NIPBL: variants seen among roughly 807,000 people sequenced by gnomAD.
NIPBL encodes the protein NIPBL cohesin loading factor.
NIPBL carries 19 observed loss-of-function variants against 321.8 expected under a neutral mutation model. The ratio of observed to expected loss-of-function variants is 0.06; its 90% confidence interval spans 0.04 to 0.09. NIPBL has a LOEUF of 0.09. NIPBL is among the 10% of genes least tolerant of loss of function. The pLI, the probability that NIPBL is intolerant of heterozygous loss-of-function variation, is 1.00. For synonymous variants in NIPBL, 1,106 were observed against 1,114.1 expected, an observed-to-expected ratio of 0.99 and a Z score of 0.14; for missense variants, 2,210 against 3,327.0, an observed-to-expected ratio of 0.66 and a Z score of 8.26.
chr5:36,913,180 GT>G (rs1171984983), intron 1 of NIPBL, among the ~76,000 whole-genome samples: 2 of 152,112 alleles, frequency 1.3e-5, no homozygotes, highest in Non-Finnish European at 2.9e-5. Context: ...TTAGATAATA[GT>G]AACAATGTTA....
intron 1 of NIPBL, among the ~76,000 whole-genome samples, chr5:36,940,940 T>G (rs960948276): frequency 1.3e-5 from 2 of 152,180 alleles, no homozygotes; most frequent in Non-Finnish European, 1.5e-5. Flanking sequence ...GTAGTGATTA[T>G]TCATCACCCC....
At chr5:36,946,951 A>C (rs1252662332) in intron 1 of NIPBL, among the ~76,000 whole-genome samples, 2 of 152,116 alleles carry the variant, frequency 1.3e-5, no homozygotes, top group African/African-American at 4.8e-5. Flanking sequence ...AGATTTGATT[A>C]GAAACACCTG....
intron 18 of NIPBL, among the ~76,000 whole-genome samples, 161 bp downstream of exon 18, chr5:37,007,635 T>C (rs1747598374): frequency 6.6e-6 from 1 of 152,028 alleles, no homozygotes; most frequent in South Asian, 2.1e-4. Context: ...TCAGGAGTTT[T>C]AAAAAGACAT....
chr5:36,984,567 C>A, intron 9 of NIPBL, 109 bp from the exon 10 acceptor site: 1 of 957,944 alleles, frequency 1.0e-6, no homozygotes, highest in Non-Finnish European at 1.5e-6. Flanking sequence ...TTGCATTTTA[C>A]TCCATTTTAA....
chr5:36,984,213 T>C (rs886244316), intron 9 of NIPBL, among the ~76,000 whole-genome samples: 7 of 152,094 alleles, frequency 4.6e-5, no homozygotes, highest in Non-Finnish European at 7.4e-5. Context: ...TAAAAACTTA[T>C]ATTTCCTGTT....
chr5:37,022,078 A>G lies in NIPBL; in HGVS notation c.5356A>G (p.Ile1786Val). 6.2e-7 allele frequency: 1 copy of G among 1,614,172 alleles called. No homozygotes were observed. Among genetic ancestry groups the G allele is most frequent in the Non-Finnish European group, 8.5e-7 (1 of 1,180,018 alleles). ...CCTACGAGTTCTTGGTGAAAATGCA[A>G]TTGCTGTTCGAACAAAAGCCATGAA... is the stretch of plus-strand genomic sequence containing the variant. ...QILRVLGENA[I>V]AVRTKAMKCL... The change falls in exon 28 of 47, where the codon ATT becomes GTT. Residue 1786 changes from isoleucine (I) to valine (V), a missense_variant. Physicochemically the swap from Ile to Val is conservative, Grantham distance 29 (BLOSUM62 3). Coordinates refer to ENST00000282516, the MANE Select transcript of NIPBL (RefSeq NM_133433.4).
At chr5:36,981,441 C>G (rs1744124840) in intron 9 of NIPBL, among the ~76,000 whole-genome samples, 2 of 151,754 alleles carry the variant, frequency 1.3e-5, no homozygotes, top group South Asian at 4.1e-4. Context: ...GTATTTATGT[C>G]CCTTTGTCCT....
chr5:36,922,889 A>G (rs993232367), intron 1 of NIPBL, among the ~76,000 whole-genome samples: 1 of 152,098 alleles, frequency 6.6e-6, no homozygotes, highest in East Asian at 1.9e-4. Context: ...TGAACTACAG[A>G]TTTCTTTTCT....
chr5:36,905,004 A>G (rs1178999476), intron 1 of NIPBL, among the ~76,000 whole-genome samples: 2 of 152,178 alleles, frequency 1.3e-5, no homozygotes, highest in African/African-American at 4.8e-5. Flanking sequence ...TCACAGTGCA[A>G]TTAGTATGGC....
chr5:36,970,943 G>A lies in NIPBL; in HGVS notation c.678G>A (p.Pro226=), dbSNP rs192822119. The A allele has an allele frequency of 1.4e-5, 23 of 1,613,402 alleles. No individual in the cohort carries two copies. Among genetic ancestry groups the A allele is most frequent in the Middle Eastern group, 1.6e-4 (1 of 6,082 alleles). The change falls in exon 7 of 47, where the codon CCG becomes CCA. Residue 226 remains proline (P), a synonymous_variant. Coordinates refer to ENST00000282516, the MANE Select transcript of NIPBL (RefSeq NM_133433.4). ...TACATGATAATAAAGTTTCTGGTCC[G>A]TTGTCTGGCAATTCAGCTAATCATC... ...RNIHDNKVSG[P]LSGNSANHHA... is the part of the protein sequence containing the mutation.
At chr5:37,045,707 T>A in intron 37 of NIPBL, 110 bp downstream of exon 37, 2 of 1,179,854 alleles carry the variant, frequency 1.7e-6, no homozygotes, top group South Asian at 1.3e-5. Context: ...TAGTCTGGTT[T>A]AATGAAAATT....
Position 37,036,457 on chromosome 5 carries a change from C to T in NIPBL, c.5941C>T (p.His1981Tyr). The change falls in exon 33 of 47, where the codon CAC (histidine) becomes TAC (tyrosine). Residue 1981 changes from histidine to tyrosine, a missense_variant. Transcript: ENST00000282516. ...CTQLVDNLVE[H>Y]ILKYEESLAD... ...TCAACTTGTTGATAACCTAGTTGAG[C>T]ACATTCTTAAATATGAGGAATCTCT... 1 of 1,459,684 alleles carries T rather than the reference C, an allele frequency of 6.9e-7. No individual in the cohort carries two copies. 90.4% of individuals were successfully genotyped at this position (1,459,684 alleles called of 1,614,324 possible).
At chr5:36,969,174 G>A (rs566930763) in intron 6 of NIPBL, among the ~76,000 whole-genome samples, 7 of 152,260 alleles carry the variant, frequency 4.6e-5, no homozygotes, top group Admixed American at 1.3e-4. Context: ...AAAATGAAGA[G>A]TTATGCCATC....
intron 1 of NIPBL, among the ~76,000 whole-genome samples, chr5:36,907,519 G>C (rs1418324632): frequency 6.6e-6 from 1 of 152,076 alleles, no homozygotes. Flanking sequence ...TTATAGCTTC[G>C]GGAGTATTAT....
chr5:37,052,323 CTT>C (rs772218155), intron 41 of NIPBL, 41 bp from the exon 42 acceptor site: 8 of 1,503,106 alleles, frequency 5.3e-6, no homozygotes, highest in South Asian at 3.4e-5. Flanking sequence ...TAATTTGTGT[CTT>C]TTAATTTCCC....
At position 36,961,588 on chromosome 5, in the gene NIPBL, T is replaced by A; in HGVS notation, c.458+5T>A. 1 of 1,457,230 alleles carries A rather than the reference T, an allele frequency of 6.9e-7. No homozygotes were observed. Among genetic ancestry groups the A allele is most frequent in the Non-Finnish European group, 9.6e-7 (1 of 1,037,032 alleles). The allele number at this position is 1,457,230 out of a possible 1,614,324, so 90.3% of individuals were successfully genotyped here. On this transcript the variant is annotated splice_donor_5th_base_variant and intron_variant, in intron 5 of 46. Coordinates refer to ENST00000282516, the MANE Select transcript of NIPBL (RefSeq NM_133433.4). ...TATCTCACATAGCCCCTCCAGGTAATATATGTATATATCGTTTATTAAATA... is the reference window on the plus strand; with the variant it reads ...TATCTCACATAGCCCCTCCAGGTAAAATATGTATATATCGTTTATTAAATA...
chr5:36,943,041 G>A (rs1280811829), intron 1 of NIPBL, among the ~76,000 whole-genome samples: 1 of 151,644 alleles, frequency 6.6e-6, no homozygotes, highest in African/African-American at 2.4e-5. Flanking sequence ...TTGTTATATT[G>A]TAACTTCAAA....
chr5:37,014,848 T>C lies in NIPBL; in HGVS notation c.4643+83T>C, dbSNP rs908190651. 656 of 836,046 alleles carry C rather than the reference T, an allele frequency of 7.8e-4. 2 individuals carry two copies. Among genetic ancestry groups the C allele is most frequent in the East Asian group, 1.2e-3 (47 of 39,650 alleles). 51.8% of individuals were successfully genotyped at this position (836,046 alleles called of 1,614,324 possible). A position where few individuals can be genotyped will look rare whatever the true frequency, so the allele number is the denominator to read the frequency against. On this transcript the variant is annotated intron_variant, in intron 22 of 46. Coordinates refer to ENST00000282516, the MANE Select transcript of NIPBL (RefSeq NM_133433.4). Reference sequence around the variant, plus strand: ...TTTTTTTAAAAAGATGAATCCAATTTCCTGCCATAATCTGAACCTTGAATA... The same window carrying C: ...TTTTTTTAAAAAGATGAATCCAATTCCCTGCCATAATCTGAACCTTGAATA...
chr5:36,926,318 A>G (rs1749358097), intron 1 of NIPBL, among the ~76,000 whole-genome samples: 1 of 152,210 alleles, frequency 6.6e-6, no homozygotes, highest in African/African-American at 2.4e-5. Flanking sequence ...GAATTTAGGC[A>G]GGGCTTGGCT....
Sources: allele counts gnomAD v4.1 joint callset (sites outside exome capture counted in the v4.1 genomes callset), GRCh38; gene constraint gnomAD v4.1.1; transcripts MANE v1.5; gene names NCBI Gene and HGNC (gene_info 2026-07-23, HGNC 2026-07-21).